CPEB1: variants seen among roughly 807,000 people sequenced by gnomAD.
CPEB1 encodes cytoplasmic polyadenylation element-binding protein 1.
Under a neutral mutation model 65.8 loss-of-function variants are expected in CPEB1, and 7 were observed. The ratio of observed to expected loss-of-function variants is 0.11; its 90% CI spans 0.06 to 0.20. The LOEUF (loss-of-function observed/expected upper bound fraction) is 0.20. CPEB1 is among the 10% of genes least tolerant of loss of function. The pLI, the probability that CPEB1 is intolerant of heterozygous loss-of-function variation, is 1.00. For missense variants in CPEB1, 551 were observed against 712.2 expected, an observed-to-expected ratio of 0.77 and a Z score of 2.58; for synonymous variants, 262 against 260.0, an observed-to-expected ratio of 1.01 and a Z score of -0.08.
intron 3 of CPEB1, among the ~76,000 whole-genome samples, chr15:82,588,722 CTGT>C (rs1314705157): frequency 4.6e-5 from 7 of 152,300 alleles, no homozygotes; most frequent in Admixed American, 4.6e-4. Context: ...AAATTGATAG[CTGT>C]TGGTCAAAAT....
intron 1 of CPEB1, among the ~76,000 whole-genome samples, chr15:82,638,236 T>C (rs896312933): frequency 6.6e-6 from 1 of 152,196 alleles, no homozygotes; most frequent in Admixed American, 6.5e-5. Context: ...AGTTACAATA[T>C]GGAATCTGAA....
chr15:82,636,973 T>A (rs1022501929), intron 1 of CPEB1, among the ~76,000 whole-genome samples: 3 of 152,180 alleles, frequency 2.0e-5, no homozygotes, highest in African/African-American at 4.8e-5. Flanking sequence ...CACAGACCAT[T>A]CTTCATCAAT....
chr15:82,547,247 C>T lies in CPEB1; in HGVS notation c.1481-10G>A, dbSNP rs1339458674. Reference sequence around the variant, plus strand: ...GTCACACGACCAGAACCTAGGACAACAGACACAAGCTTCCCTTCTAACCAA... The same window carrying T: ...GTCACACGACCAGAACCTAGGACAATAGACACAAGCTTCCCTTCTAACCAA... On this transcript the variant is annotated splice_polypyrimidine_tract_variant and intron_variant, in intron 10 of 12. Coordinates refer to ENST00000684509, the MANE Select transcript of CPEB1 (RefSeq NM_001365242.1). The T allele has an allele frequency of 2.8e-6, 4 of 1,427,856 alleles. No homozygotes were observed. In the East Asian group the frequency reaches 6.9e-5, roughly 25 times the overall value. The allele number at this position is 1,427,856 out of a possible 1,614,324, so 88.4% of individuals were successfully genotyped here.
At chr15:82,638,211 A>G (rs1383936357) in intron 1 of CPEB1, among the ~76,000 whole-genome samples, 2 of 152,210 alleles carry the variant, frequency 1.3e-5, no homozygotes, top group Non-Finnish European at 2.9e-5. Context: ...AACAAATGGT[A>G]ACTTCTTAAA....
chr15:82,573,826 T>G (rs572057929), intron 3 of CPEB1, among the ~76,000 whole-genome samples: 5 of 152,230 alleles, frequency 3.3e-5, no homozygotes, highest in Middle Eastern at 3.4e-3. Flanking sequence ...GCAAAAAAAG[T>G]TTGAGCAGTC....
intron 3 of CPEB1, among the ~76,000 whole-genome samples, chr15:82,612,931 C>G (rs957158536): frequency 2.6e-5 from 4 of 151,838 alleles, no homozygotes; most frequent in African/African-American, 9.7e-5. Flanking sequence ...CAAAAACAAA[C>G]AAAAACACAC....
At chr15:82,558,022 A>C (rs1373241195) in intron 4 of CPEB1, 36 bp from the exon 5 acceptor site, 2 of 1,446,366 alleles carry the variant, frequency 1.4e-6, no homozygotes, top group African/African-American at 2.8e-5. Context: ...ATGACCTCTT[A>C]GTTTTCTTTG....
At chr15:82,599,223 T>C (rs1010801640) in intron 3 of CPEB1, among the ~76,000 whole-genome samples, 14 of 152,210 alleles carry the variant, frequency 9.2e-5, no homozygotes, top group African/African-American at 1.4e-4. Context: ...TACAAGAAGA[T>C]TGGAAACACT....
intron 3 of CPEB1, among the ~76,000 whole-genome samples, chr15:82,624,303 A>G (rs1484834821): frequency 6.6e-6 from 1 of 152,146 alleles, no homozygotes; most frequent in Non-Finnish European, 1.5e-5. Flanking sequence ...GCTACCTTTG[A>G]CAGAAACCTT....
chr15:82,633,161 A>G (rs1699346403), intron 1 of CPEB1: 1 of 152,218 alleles, frequency 6.6e-6, no homozygotes. Flanking sequence ...GAGACTTAAT[A>G]GAGTGCAAAC....
At chr15:82,569,136 G>A (rs1177938702) in intron 4 of CPEB1, among the ~76,000 whole-genome samples, 1 of 152,224 alleles carries the variant, frequency 6.6e-6, no homozygotes, top group Non-Finnish European at 1.5e-5. Flanking sequence ...GTAGGCACTG[G>A]AATGTGGGCT....
intron 3 of CPEB1, among the ~76,000 whole-genome samples, chr15:82,579,834 C>A (rs1296510730): frequency 7.7e-6 from 1 of 130,340 alleles, no homozygotes; most frequent in African/African-American, 2.9e-5. Flanking sequence ...ATGGCGTGAA[C>A]CCGGGAAGCG....
intron 6 of CPEB1, among the ~76,000 whole-genome samples, chr15:82,554,924 G>A (rs1013169437): frequency 6.6e-6 from 1 of 152,204 alleles, no homozygotes; most frequent in South Asian, 2.1e-4. Context: ...AATGGCACCA[G>A]AGAAAGTACA....
At chr15:82,594,782 T>G (rs2042548399) in intron 3 of CPEB1, among the ~76,000 whole-genome samples, 1 of 152,178 alleles carries the variant, frequency 6.6e-6, no homozygotes. Context: ...TCCCTTCACT[T>G]GAACACTTAG....
At chr15:82,633,550 T>TTACCA (rs2046425576) in intron 1 of CPEB1, among the ~76,000 whole-genome samples, 2 of 152,074 alleles carry the variant, frequency 1.3e-5, no homozygotes, top group South Asian at 4.1e-4. Context: ...TTTTTGTACT[T>TTACCA]TTGGTAGAGA....
chr15:82,594,821 A>G (rs762103139), intron 3 of CPEB1, among the ~76,000 whole-genome samples: 3 of 149,510 alleles, frequency 2.0e-5, no homozygotes, highest in South Asian at 2.1e-4. Context: ...TAATTTTCCT[A>G]ATTTCAATTT....
At chr15:82,567,871 G>T (rs1362838541) in intron 4 of CPEB1, among the ~76,000 whole-genome samples, 1 of 152,086 alleles carries the variant, frequency 6.6e-6, no homozygotes, top group South Asian at 2.1e-4. Flanking sequence ...CAAAAGAGTC[G>T]CAAGGGGGAA....
At chr15:82,625,122 G>A (rs1290036787) in intron 3 of CPEB1, among the ~76,000 whole-genome samples, 2 of 152,184 alleles carry the variant, frequency 1.3e-5, no homozygotes, top group South Asian at 2.1e-4. Flanking sequence ...TGCCTGGCCT[G>A]TCATTCTTAC....
chr15:82,631,972 A>ATT (rs1016573750), intron 1 of CPEB1, among the ~76,000 whole-genome samples: 2 of 123,122 alleles, frequency 1.6e-5, no homozygotes, highest in African/African-American at 3.1e-5. Flanking sequence ...GAATTCATTT[A>ATT]TTTTTTTCTC....
Sources: allele counts gnomAD v4.1 joint callset (sites outside exome capture counted in the v4.1 genomes callset), GRCh38; gene constraint gnomAD v4.1.1; transcripts MANE v1.5; gene names NCBI Gene and HGNC (gene_info 2026-07-23, HGNC 2026-07-21).